The following LRRTM4 variants were observed in gnomAD, a reference collection of about 807,000 sequenced individuals.
LRRTM4 encodes leucine rich repeat transmembrane neuronal 4, also known as leucine-rich repeat transmembrane neuronal protein 4.
A neutral mutation model predicts 47.6 loss-of-function variants in LRRTM4; 25 were observed. That is an observed-to-expected ratio of 0.53 (90% CI 0.38 to 0.73). The LOEUF is 0.73. Ranked by LOEUF, LRRTM4 falls within the 30% of genes least tolerant of loss-of-function variation. The probability of loss-of-function intolerance (pLI) is 0.00; values close to 1 mark genes in which losing one functional copy is unlikely to be tolerated. For missense variants in LRRTM4, 638 were observed against 713.4 expected (o/e 0.89, Z 1.20); for synonymous variants, 311 against 269.5 (o/e 1.15, Z -1.51).
intron 3 of LRRTM4, among the ~76,000 whole-genome samples, chr2:76,841,664 GA>G (rs796357819): frequency 4.4e-3 from 286 of 65,604 alleles, no homozygotes; most frequent in South Asian, 0.011. Context: ...GTAACCTGGA[GA>G]AAAAAAAAAA....
At chr2:76,958,664 T>G (rs559094560) in intron 3 of LRRTM4, among the ~76,000 whole-genome samples, 116 of 151,876 alleles carry the variant, frequency 7.6e-4, no homozygotes, top group African/African-American at 2.7e-3. Flanking sequence ...TTGTTTCATT[T>G]GAATCAAGAA....
chr2:76,802,252 T>C (rs1302231270), intron 3 of LRRTM4, among the ~76,000 whole-genome samples: 3 of 145,508 alleles, frequency 2.1e-5, no homozygotes, highest in African/African-American at 7.5e-5. Flanking sequence ...AAAAAAAAAC[T>C]GTTAGAATAA....
chr2:76,892,596 A>C (rs532277805), intron 3 of LRRTM4, among the ~76,000 whole-genome samples: 4 of 151,802 alleles, frequency 2.6e-5, no homozygotes, highest in African/African-American at 9.6e-5. Context: ...GGAATTCCCA[A>C]AACATGTTCC....
intron 3 of LRRTM4, among the ~76,000 whole-genome samples, chr2:77,241,052 G>C (rs957055604): frequency 1.3e-5 from 2 of 151,878 alleles, no homozygotes; most frequent in Admixed American, 6.6e-5. Flanking sequence ...AAATTGAGAA[G>C]ATGATTCTAA....
chr2:76,858,913 A>G (rs1672233798), intron 3 of LRRTM4, among the ~76,000 whole-genome samples: 1 of 152,188 alleles, frequency 6.6e-6, no homozygotes, highest in South Asian at 2.1e-4. Flanking sequence ...ACTCTGGTAC[A>G]TTCATCAAGA....
intron 3 of LRRTM4, among the ~76,000 whole-genome samples, chr2:77,082,455 G>A (rs916491487): frequency 1.3e-5 from 2 of 151,914 alleles, no homozygotes; most frequent in African/African-American, 2.4e-5. Flanking sequence ...TAGAAACAAC[G>A]TTTATGGTAA....
chr2:77,218,755 T>C (rs550534868), intron 3 of LRRTM4, among the ~76,000 whole-genome samples: 17 of 152,256 alleles, frequency 1.1e-4, no homozygotes, highest in African/African-American at 3.9e-4. Context: ...AGCAACAATA[T>C]AGTAAGCTTT....
chr2:77,249,958 C>G (rs574139015), intron 3 of LRRTM4, among the ~76,000 whole-genome samples: 2 of 152,080 alleles, frequency 1.3e-5, no homozygotes, highest in African/African-American at 2.4e-5. Flanking sequence ...AAACTATGGT[C>G]CATCTATATA....
intron 3 of LRRTM4, among the ~76,000 whole-genome samples, chr2:77,376,251 A>G (rs1223851100): frequency 6.6e-6 from 1 of 151,764 alleles, no homozygotes; most frequent in African/African-American, 2.4e-5. Flanking sequence ...TACAAAAAAA[A>G]ATTGTTGAAA....
chr2:77,501,109 C>A lies in LRRTM4; in HGVS notation c.1551+17209G>T, dbSNP rs546517809. On this transcript the variant is annotated intron_variant, in intron 3 of 3. Coordinates refer to ENST00000409884, the MANE Select transcript of LRRTM4 (RefSeq NM_001134745.3). Reference sequence around the variant, plus strand: ...AGATAGTGGGAAAGAACCACACTTACCAATGTAATTATATATAATTTTATA... The same window carrying A: ...AGATAGTGGGAAAGAACCACACTTAACAATGTAATTATATATAATTTTATA... 1.3e-4 allele frequency among the ~76,000 whole-genome samples: 19 copies of A among 150,548 alleles called. 1 individual carries two copies. In the East Asian group the frequency reaches 3.5e-3, roughly 28 times the overall value.
At chr2:76,925,168 A>G (rs1286614051) in intron 3 of LRRTM4, among the ~76,000 whole-genome samples, 2 of 152,276 alleles carry the variant, frequency 1.3e-5, no homozygotes, top group Non-Finnish European at 1.5e-5. Flanking sequence ...AGTGGGCTTT[A>G]CCCAACCAGG....
At chr2:77,521,870 T>C (rs1267703013) in intron 1 of LRRTM4, 52 bp from the exon 2 acceptor site, 19 of 232,774 alleles carry the variant, frequency 8.2e-5, no homozygotes, top group East Asian at 6.8e-4. Flanking sequence ...TATATATATA[T>C]ACATATATAT....
chr2:76,758,157 C>A (rs1248584735), intron 3 of LRRTM4, among the ~76,000 whole-genome samples: 2 of 152,138 alleles, frequency 1.3e-5, no homozygotes, highest in African/African-American at 4.8e-5. Context: ...GAGAAGGATG[C>A]AACTGATTTG....
chr2:76,856,618 T>C (rs1011589591), intron 3 of LRRTM4, among the ~76,000 whole-genome samples: 29 of 152,138 alleles, frequency 1.9e-4, no homozygotes, highest in African/African-American at 5.8e-4. Flanking sequence ...AATCTAAATG[T>C]TTAACTGATA....
At chr2:76,967,564 C>T (rs1225874512) in intron 3 of LRRTM4, among the ~76,000 whole-genome samples, 1 of 151,476 alleles carries the variant, frequency 6.6e-6, no homozygotes, top group East Asian at 2.0e-4. Flanking sequence ...TTTAAGTCTT[C>T]TAAAATAAAC....
At chr2:77,513,463 A>G (rs2104109550) in intron 3 of LRRTM4, among the ~76,000 whole-genome samples, 1 of 152,330 alleles carries the variant, frequency 6.6e-6, no homozygotes, top group Admixed American at 6.5e-5. Context: ...GTCTAAAGCA[A>G]CACAAAAAAT....
At chr2:77,341,589 C>G (rs756869641) in intron 3 of LRRTM4, among the ~76,000 whole-genome samples, 1 of 152,030 alleles carries the variant, frequency 6.6e-6, no homozygotes, top group East Asian at 1.9e-4. Flanking sequence ...AGACAAGAAC[C>G]ACGCATGCTG....
At chr2:77,342,192 T>C (rs1671396814) in intron 3 of LRRTM4, among the ~76,000 whole-genome samples, 2 of 152,084 alleles carry the variant, frequency 1.3e-5, no homozygotes, top group East Asian at 1.9e-4. Context: ...TGGAGCATCA[T>C]GAATGATTGA....
rs895554179 is a variant in LRRTM4 at position 76,928,497 on chromosome 2, T to C, written c.1552-179581A>G. On this transcript the variant is annotated intron_variant, in intron 3 of 3. Coordinates refer to ENST00000409884, the MANE Select transcript of LRRTM4 (RefSeq NM_001134745.3). ...GGAGCTTTGAGGATTTTTGATGATA[T>C]AGAACAATCAGTGGTGAAAGATCAA... 3.3e-5 allele frequency among the ~76,000 whole-genome samples: 5 copies of C among 152,124 alleles called. No homozygotes were observed. The South Asian group carries it at 6.2e-4, about 19-fold the overall frequency.
Sources: gnomAD v4.1 joint callset for allele counts (sites outside exome capture counted in the v4.1 genomes callset) on GRCh38, gnomAD v4.1.1 for gene constraint, MANE v1.5 for transcripts, NCBI Gene and HGNC (gene_info 2026-07-23, HGNC 2026-07-21) for gene names.